Variants in SIK2 observed in about 807,000 individuals in gnomAD.
The protein encoded by SIK2 is serine/threonine-protein kinase SIK2.
Under a neutral mutation model 103.2 loss-of-function variants are expected in SIK2, and 29 were observed. The ratio of observed to expected loss-of-function variants is 0.28; its 90% CI spans 0.21 to 0.38. The LOEUF is 0.38. Among genes scored for constraint, SIK2 ranks in the 10% least tolerant of loss-of-function variants. The pLI, the probability that SIK2 is intolerant of heterozygous loss-of-function variation, is 1.00. For missense variants in SIK2, 879 were observed against 1,171.0 expected (o/e 0.75, Z 3.64); for synonymous variants, 412 against 446.1 (o/e 0.92, Z 0.96).
chr11:111,609,211 C>A (rs1941687076), intron 1 of SIK2, among the ~76,000 whole-genome samples: 1 of 151,936 alleles, frequency 6.6e-6, no homozygotes, highest in Non-Finnish European at 1.5e-5. Flanking sequence ...TTAATCACTT[C>A]TTTAATCATC....
At chr11:111,689,481 G>C (rs551810816) in intron 4 of SIK2, among the ~76,000 whole-genome samples, 69 of 152,184 alleles carry the variant, frequency 4.5e-4, no homozygotes, top group Non-Finnish European at 1.6e-4. Flanking sequence ...CAGCAGTAGA[G>C]GTTGAAGGTA....
At chr11:111,651,698 A>G (rs1942328663) in intron 3 of SIK2, among the ~76,000 whole-genome samples, 1 of 151,656 alleles carries the variant, frequency 6.6e-6, no homozygotes, top group Non-Finnish European at 1.5e-5. Context: ...ATATGCTTAC[A>G]CTTGATGTGT....
rs910627817 is a variant in SIK2, at chr11:111,616,313, A to G, written c.206A>G (p.Gln69Arg). 3 of 1,613,562 alleles carry G rather than the reference A, an allele frequency of 1.9e-6. No individual in the cohort carries two copies. Among genetic ancestry groups the G allele is most frequent in the Non-Finnish European group, 1.7e-6 (2 of 1,179,716 alleles). The change falls in exon 2 of 15, where the codon CAA becomes CGA. Residue 69 changes from glutamine (Q) to arginine (R), a missense_variant. Physicochemically the swap from Gln to Arg is conservative, Grantham distance 43. Transcript: ENST00000304987. ...VNLEKIYREVQIMKMLDHPHI... is the reference protein window; with the variant it reads ...VNLEKIYREVRIMKMLDHPHI... ...CTTGAGAAAATCTACCGAGAAGTAC[A>G]AATAATGAAAATGTTAGACCACCCT...
In SIK2 at chr11:111,725,534, G is replaced by C. The variant is rs1943938196; in HGVS notation, c.*1405G>C. The C allele has an allele frequency of 6.6e-6, 1 of 152,576 alleles. No homozygotes were observed. Among genetic ancestry groups the C allele is most frequent in the African/African-American group, 2.4e-5 (1 of 41,458 alleles). The allele number at this position is 152,576 out of a possible 1,614,324, so 9.5% of individuals were successfully genotyped here. A position where few individuals can be genotyped will look rare whatever the true frequency, so the allele number is the denominator to read the frequency against. ...TGCCATTTGGACAGTTAACATCCAG[G>C]TGTTACAAAGTCAGTGTTAATTCTA... On this transcript the variant is annotated 3_prime_UTR_variant, in exon 15 of 15. Transcript: ENST00000304987.
At chr11:111,635,875 T>G (rs894767935) in intron 3 of SIK2, among the ~76,000 whole-genome samples, 1 of 152,196 alleles carries the variant, frequency 6.6e-6, no homozygotes. Context: ...GTAGCTAGGC[T>G]ACAGTGAAGG....
At chr11:111,686,729 A>G (rs1297927567) in intron 3 of SIK2, among the ~76,000 whole-genome samples, 1 of 152,266 alleles carries the variant, frequency 6.6e-6, no homozygotes, top group Non-Finnish European at 1.5e-5. Flanking sequence ...ATAGTCACAT[A>G]GAATTAATTT....
chr11:111,698,563 A>G (rs545377483), intron 4 of SIK2, among the ~76,000 whole-genome samples: 1 of 152,280 alleles, frequency 6.6e-6, no homozygotes, highest in East Asian at 1.9e-4. Context: ...GAAACATGGC[A>G]AATCCCTGTC....
In SIK2 at chr11:111,608,597, T is replaced by C. The variant is rs554511383; in HGVS notation, c.135+5899T>C. 1.8e-4 allele frequency among the ~76,000 whole-genome samples: 28 copies of C among 152,360 alleles called. 3 individuals carry two copies. In the South Asian group the frequency reaches 5.2e-3, roughly 28 times the overall value. ...TAATCTGTGTTTTTTACTTAACATG[T>C]TGTTAACATTTCCGTAAGTTTGAAA... On this transcript the variant is annotated intron_variant, in intron 1 of 14. Coordinates refer to ENST00000304987, the MANE Select transcript of SIK2 (RefSeq NM_015191.3).
At chr11:111,621,430 A>G (rs1279763467) in intron 3 of SIK2, among the ~76,000 whole-genome samples, 1 of 152,144 alleles carries the variant, frequency 6.6e-6, no homozygotes, top group Non-Finnish European at 1.5e-5. Context: ...ATATCAACAT[A>G]TAATTTCTTT....
intron 3 of SIK2, among the ~76,000 whole-genome samples, chr11:111,662,696 G>A (rs1942482899): frequency 6.6e-6 from 1 of 151,956 alleles, no homozygotes. Flanking sequence ...GGGCAACATG[G>A]CGATACCCTG....
chr11:111,618,845 C>T (rs1434024050), intron 2 of SIK2, among the ~76,000 whole-genome samples: 1 of 152,172 alleles, frequency 6.6e-6, no homozygotes, highest in Non-Finnish European at 1.5e-5. Flanking sequence ...ATCTTCCTGC[C>T]TCAACCCCTC....
chr11:111,705,207 T>A lies in SIK2; in HGVS notation c.1101+68T>A. On this transcript the variant is annotated intron_variant, in intron 8 of 14. Coordinates refer to ENST00000304987, the MANE Select transcript of SIK2 (RefSeq NM_015191.3). This position sits in a 1 kb window ranked among gnomAD's most constrained non-coding sequence, Gnocchi z 4.3. ...GTTCACATGTTTGATACATTTTTCA[T>A]CTTATACACAGGGTTAGGATTTCAT... 7.0e-7 allele frequency: 1 copy of A among 1,431,768 alleles called. No individual in the cohort carries two copies. The highest frequency in any genetic ancestry group is 9.1e-7 in the Non-Finnish European group (1 of 1,093,252). The allele number at this position is 1,431,768 out of a possible 1,614,324, so 88.7% of individuals were successfully genotyped here.
In SIK2 at chr11:111,724,471, A is replaced by C; in HGVS notation, c.*342A>C. 2 of 281,436 alleles carry C rather than the reference A, an allele frequency of 7.1e-6. No homozygotes were observed. The highest frequency in any genetic ancestry group is 1.4e-5 in the Non-Finnish European group (2 of 148,062). The allele number at this position is 281,436 out of a possible 1,614,324, so 17.4% of individuals were successfully genotyped here. ...TGCAGGATTACATCCGTTTATTATC[A>C]AGGGCAACCTTGGTGAAAGCAGAAA... On this transcript the variant is annotated 3_prime_UTR_variant, in exon 15 of 15. Coordinates refer to ENST00000304987, the MANE Select transcript of SIK2 (RefSeq NM_015191.3).
intron 3 of SIK2, among the ~76,000 whole-genome samples, chr11:111,660,801 T>TG (rs1942456597): frequency 6.6e-6 from 1 of 150,606 alleles, no homozygotes; most frequent in African/African-American, 2.4e-5. Flanking sequence ...TTCCAAAACT[T>TG]GAACCTAATG....
At chr11:111,647,013 A>T (rs979883419) in intron 3 of SIK2, among the ~76,000 whole-genome samples, 14 of 152,350 alleles carry the variant, frequency 9.2e-5, no homozygotes, top group African/African-American at 3.4e-4. Context: ...TGATAGATAC[A>T]TGTTTAACTA....
intron 8 of SIK2, among the ~76,000 whole-genome samples, chr11:111,710,787 C>T (rs1159788084): frequency 6.6e-6 from 1 of 152,172 alleles, no homozygotes; most frequent in African/African-American, 2.4e-5. Context: ...ACAATTTGTA[C>T]GTGATGGAGC....
intron 3 of SIK2, among the ~76,000 whole-genome samples, chr11:111,641,795 C>T (rs1318511764): frequency 6.6e-6 from 1 of 152,146 alleles, no homozygotes; most frequent in Non-Finnish European, 1.5e-5. Context: ...TCCTGTTATT[C>T]CCTATGTGTA....
chr11:111,698,670 CA>C (rs1313762399), intron 4 of SIK2, among the ~76,000 whole-genome samples: 2 of 152,178 alleles, frequency 1.3e-5, no homozygotes, highest in Non-Finnish European at 2.9e-5. Context: ...GAGATCGTGC[CA>C]TTGCACTCTA....
At chr11:111,606,743 A>G (rs144811949) in intron 1 of SIK2, among the ~76,000 whole-genome samples, 184 of 152,226 alleles carry the variant, frequency 1.2e-3, no homozygotes, top group African/African-American at 4.0e-3. Context: ...CCTAAGTAAC[A>G]AGGTATTATT....
Sources: allele counts gnomAD v4.1 joint callset (sites outside exome capture counted in the v4.1 genomes callset), GRCh38; gene constraint gnomAD v4.1.1; non-coding constraint Gnocchi (gnomAD v3.1); transcripts MANE v1.5; gene names NCBI Gene and HGNC (gene_info 2026-07-23, HGNC 2026-07-21).